Variants in NAV2 observed in about 807,000 individuals in gnomAD.
NAV2 encodes helicase, APC down-regulated 1.
NAV2 carries 54 observed loss-of-function variants against 223.2 expected under a neutral mutation model. The observed-to-expected ratio is 0.24, with a 90% CI of 0.19 to 0.30. The LOEUF (loss-of-function observed/expected upper bound fraction) is 0.30. NAV2 is among the 10% of genes least tolerant of loss of function. NAV2 has a pLI of 1.00. For missense variants in NAV2, 2,806 were observed against 3,147.5 expected (o/e 0.89, Z 2.60); for synonymous variants, 1,279 against 1,239.3 (o/e 1.03, Z -0.67).
At chr11:19,820,991 A>G (rs181439558) in intron 1 of NAV2, among the ~76,000 whole-genome samples, 1,754 of 152,324 alleles carry the variant, frequency 0.012, 28 homozygotes, top group African/African-American at 0.037. Flanking sequence ...GGCCGGGCGC[A>G]GTGGCTCACG....
At chr11:19,384,203 G>T (rs1464319798) in intron 1 of NAV2, among the ~76,000 whole-genome samples, 3 of 152,164 alleles carry the variant, frequency 2.0e-5, no homozygotes, top group Admixed American at 6.5e-5. Flanking sequence ...AGAAAGAAGA[G>T]ACTAAAAGGA....
intron 1 of NAV2, chr11:19,778,092 T>G (rs1366033798): frequency 4.9e-6 from 2 of 409,696 alleles, no homozygotes; most frequent in African/African-American, 4.1e-5. Flanking sequence ...TCCTCCGTTT[T>G]CAAAAATAAC....
At chr11:19,886,210 T>C (rs2040957100) in intron 5 of NAV2, among the ~76,000 whole-genome samples, 1 of 151,814 alleles carries the variant, frequency 6.6e-6, no homozygotes, top group Non-Finnish European at 1.5e-5. Context: ...ACTCCTGGGC[T>C]CAAGCAATCC....
intron 1 of NAV2, among the ~76,000 whole-genome samples, chr11:19,499,724 T>C (rs961676442): frequency 1.3e-5 from 2 of 152,162 alleles, no homozygotes; most frequent in African/African-American, 4.8e-5. Flanking sequence ...TTCACAGCTA[T>C]ATCCTCAGTG....
chr11:19,778,447 T>C (rs2056462479), intron 1 of NAV2: 1 of 442,656 alleles, frequency 2.3e-6, no homozygotes, highest in East Asian at 7.1e-5. Flanking sequence ...GTATGATTAA[T>C]AAACTGGAAT....
intron 1 of NAV2, among the ~76,000 whole-genome samples, chr11:19,686,100 C>T (rs7130665): frequency 0.12 from 18,299 of 152,120 alleles, 1,400 homozygotes; most frequent in African/African-American, 0.21. Context: ...ATGTCCTAAC[C>T]CACCCCAGGG....
At chr11:20,066,401 A>G (rs2059044534) in intron 20 of NAV2, among the ~76,000 whole-genome samples, 1 of 152,196 alleles carries the variant, frequency 6.6e-6, no homozygotes, top group South Asian at 2.1e-4. Flanking sequence ...TTAGATAAGG[A>G]GGTTGTTCAG....
At chr11:20,039,171 A>G (rs890022543) in intron 12 of NAV2, among the ~76,000 whole-genome samples, 2 of 152,164 alleles carry the variant, frequency 1.3e-5, no homozygotes, top group African/African-American at 4.8e-5. Flanking sequence ...GTCAGGGAGT[A>G]GGTGTGGACC....
At chr11:19,574,883 C>G (rs1349998303) in intron 1 of NAV2, among the ~76,000 whole-genome samples, 1 of 152,184 alleles carries the variant, frequency 6.6e-6, no homozygotes, top group Non-Finnish European at 1.5e-5. Context: ...ACATTTGAAG[C>G]AGGACTTGAA....
intron 26 of NAV2, 28 bp downstream of exon 26, chr11:20,083,207 A>C (rs1227256756): frequency 6.3e-7 from 1 of 1,588,754 alleles, no homozygotes; most frequent in Admixed American, 1.7e-5. Flanking sequence ...GTCAGATAAC[A>C]TCTTTGGCCC....
rs569889573 is a variant in NAV2 at position 19,936,026 on chromosome 11, A to T, written c.2033+1749A>T. 3.1e-3 allele frequency among the ~76,000 whole-genome samples: 437 copies of T among 139,480 alleles called. 14 individuals are homozygous for T. The South Asian group carries it at 0.064, about 20-fold the overall frequency. The allele number at this position is 139,480 out of a possible 152,430, so 91.5% of individuals were successfully genotyped here. ...AGGTGCATGCCGCCATGCCTGGCTAATTTTTTTTTTTTTTTTAATTTTAAT... is the reference window on the plus strand; with the variant it reads ...AGGTGCATGCCGCCATGCCTGGCTATTTTTTTTTTTTTTTTTAATTTTAAT... On this transcript the variant is annotated intron_variant, in intron 7 of 37. Transcript: ENST00000349880.
intron 1 of NAV2, among the ~76,000 whole-genome samples, chr11:19,561,843 G>T (rs12361637): frequency 0.052 from 7,913 of 152,280 alleles, 202 homozygotes; most frequent in South Asian, 0.085. Flanking sequence ...CTCAGTTACG[G>T]TTGCCACTGG....
At chr11:19,500,436 AG>A (rs2042929449) in intron 1 of NAV2, among the ~76,000 whole-genome samples, 1 of 152,224 alleles carries the variant, frequency 6.6e-6, no homozygotes, top group African/African-American at 2.4e-5. Context: ...GGCAATAAAA[AG>A]CTGATACACC....
intron 10 of NAV2, among the ~76,000 whole-genome samples, chr11:19,977,997 T>A (rs1310487854): frequency 6.8e-6 from 1 of 146,778 alleles, no homozygotes; most frequent in African/African-American, 2.5e-5. Flanking sequence ...TTTTTTTTGG[T>A]TTTTTTTAGT....
chr11:19,997,279 G>A (rs572325310), intron 11 of NAV2, among the ~76,000 whole-genome samples: 24 of 152,332 alleles, frequency 1.6e-4, no homozygotes, highest in African/African-American at 5.1e-4. Flanking sequence ...GGAGCACTAT[G>A]TGGGGAGATG....
chr11:20,092,940 T>G (rs537224709), intron 28 of NAV2, among the ~76,000 whole-genome samples, 159 bp from the exon 29 acceptor site: 1 of 152,258 alleles, frequency 6.6e-6, no homozygotes, highest in African/African-American at 2.4e-5. Flanking sequence ...TTTCTGTGAT[T>G]GCATTCTCCA....
At chr11:19,378,300 C>T (rs551729986) in intron 1 of NAV2, among the ~76,000 whole-genome samples, 73 of 152,236 alleles carry the variant, frequency 4.8e-4, no homozygotes, top group African/African-American at 1.6e-3. Context: ...TTTTCACGTC[C>T]AGTCGTCACC....
chr11:19,796,003 G>A (rs1461431262), intron 1 of NAV2, among the ~76,000 whole-genome samples: 1 of 152,110 alleles, frequency 6.6e-6, no homozygotes, highest in African/African-American at 2.4e-5. Context: ...CTCAGGTAGT[G>A]AGCAGCTCCT....
intron 1 of NAV2, among the ~76,000 whole-genome samples, chr11:19,667,943 A>G (rs2048461665): frequency 1.3e-5 from 2 of 152,172 alleles, no homozygotes; most frequent in South Asian, 4.1e-4. Context: ...CTTGTGTTTT[A>G]GCACTCTCGT....
Sources: gnomAD v4.1 joint callset for allele counts (sites outside exome capture counted in the v4.1 genomes callset) on GRCh38, gnomAD v4.1.1 for gene constraint, MANE v1.5 for transcripts, NCBI Gene and HGNC (gene_info 2026-07-23, HGNC 2026-07-21) for gene names.